DNA2: variants seen among roughly 807,000 people sequenced by gnomAD.
The protein encoded by DNA2 is DNA replication helicase/nuclease 2.
DNA2 carries 101 observed loss-of-function variants against 119.1 expected under a neutral mutation model. That is an observed-to-expected ratio of 0.85 (90% confidence interval 0.72 to 1.00). The LOEUF (loss-of-function observed/expected upper bound fraction) is 1.00. Ranked by LOEUF, DNA2 falls within the 50% of genes least tolerant of loss-of-function variation. The pLI, the probability that DNA2 is intolerant of heterozygous loss-of-function variation, is 0.00. For missense variants in DNA2, 1,121 were observed against 1,255.5 expected (o/e 0.89, Z 1.62); for synonymous variants, 366 against 424.4 (o/e 0.86, Z 1.69).
Position 68,425,088 on chromosome 10 carries a change from CTTTTTTTTTT to C in DNA2, c.2209-2208_2209-2199del, listed in dbSNP as rs60065153. 8.4e-5 allele frequency: 11 copies of C among 131,362 alleles called. No individual in the cohort carries two copies. In the East Asian group the frequency reaches 2.1e-3, roughly 25 times the overall value. The allele number at this position is 131,362 out of a possible 1,614,324, so 8.1% of individuals were successfully genotyped here. On this transcript the variant is annotated intron_variant, in intron 14 of 20. Coordinates refer to ENST00000358410, the MANE Select transcript of DNA2 (RefSeq NM_001080449.3). ...TTTTCAGAATGTCTCTGGAACATTT[CTTTTTTTTTT>C]TTTTTTTTTTTTTTGAGACAGAGTC...
intron 9 of DNA2, among the ~76,000 whole-genome samples, chr10:68,441,680 C>A (rs2051970506): frequency 6.6e-6 from 1 of 151,964 alleles, no homozygotes; most frequent in African/African-American, 2.4e-5. Context: ...AAGGCCGAGG[C>A]AGGAGAATAG....
chr10:68,444,358 C>T (rs943094085), intron 8 of DNA2, among the ~76,000 whole-genome samples: 1 of 151,432 alleles, frequency 6.6e-6, no homozygotes, highest in African/African-American at 2.4e-5. Flanking sequence ...CCACCGCACT[C>T]CAGCCCTAGT....
At chr10:68,439,329 G>T (rs2051935039) in intron 9 of DNA2, among the ~76,000 whole-genome samples, 1 of 151,992 alleles carries the variant, frequency 6.6e-6, no homozygotes, top group South Asian at 2.1e-4. Flanking sequence ...CGGAGGCGGA[G>T]GTTGTGGTGA....
intron 14 of DNA2, among the ~76,000 whole-genome samples, chr10:68,425,366 T>C (rs1414546625): frequency 1.3e-5 from 2 of 151,488 alleles, no homozygotes; most frequent in African/African-American, 4.8e-5. Flanking sequence ...AGTGATGGGA[T>C]TACAGGCATG....
intron 8 of DNA2, among the ~76,000 whole-genome samples, chr10:68,443,351 G>A (rs1473120615): frequency 6.6e-6 from 1 of 152,136 alleles, no homozygotes; most frequent in Non-Finnish European, 1.5e-5. Flanking sequence ...AACAACTCAG[G>A]TTGGGTAAAC....
In DNA2 at chr10:68,445,028, T is replaced by G; in HGVS notation, c.1113A>C (p.Lys371Asn). Residue 371 changes from lysine to asparagine, a missense_variant, in exon 8 of 21, where the codon AAA (lysine) becomes AAC (asparagine). Transcript: ENST00000358410. The stretch of plus-strand genomic sequence containing the variant: ...GCTGTGTCTTCTGTCTAGTAGCAGA[T>G]TTGCTAATACGGTGAAACAATGAGA... ...MAFSLFHRIS[K>N]SATRQKTQLA... is the part of the protein sequence containing the mutation. The G allele has an allele frequency of 6.2e-7, 1 of 1,613,338 alleles. No individual in the cohort carries two copies. Among genetic ancestry groups the G allele is most frequent in the Non-Finnish European group, 8.5e-7 (1 of 1,179,574 alleles).
chr10:68,435,766 T>C lies in DNA2; in HGVS notation c.1646+1245A>G, dbSNP rs189531111. On this transcript the variant is annotated intron_variant, in intron 10 of 20. Transcript: ENST00000358410. The stretch of plus-strand genomic sequence containing the variant: ...ACCACGCCCCGCCTATATATTTTTA[T>C]TTAAATCAGCCATTTTGTTGTAACT... Among the ~76,000 whole-genome samples, 5 of 152,298 alleles carry C rather than the reference T, an allele frequency of 3.3e-5. No individual in the cohort carries two copies. The East Asian group carries it at 5.8e-4, about 18-fold the overall frequency.
chr10:68,422,328 T>C lies in DNA2; in HGVS notation c.2594A>G (p.Asp865Gly). The C allele has an allele frequency of 6.2e-7, 1 of 1,613,938 alleles. No individual in the cohort carries two copies. The highest frequency in any genetic ancestry group is 8.5e-7 in the Non-Finnish European group (1 of 1,179,874). ...ATAAAATTCCAGTTCCAGCTTCACA[T>C]CTTTAAAGTGACGTAGGTTTATCAC... ...NAVINLRHFK[D>G]VKLELEFYAD... Residue 865 changes from aspartate (D) to glycine (G), a missense_variant, in exon 17 of 21, where the codon GAT becomes GGT. Coordinates refer to ENST00000358410, the MANE Select transcript of DNA2 (RefSeq NM_001080449.3).
chr10:68,425,088 C>CTTTTTTTTTTTTTTTTT (rs60065153), intron 14 of DNA2: 1 of 122,572 alleles, frequency 8.2e-6, no homozygotes, highest in Non-Finnish European at 1.4e-5. Flanking sequence ...TGGAACATTT[C>CTTTTTTTTTTTTTTTTT]TTTTTTTTTT....
intron 6 of DNA2, 100 bp downstream of exon 6, chr10:68,449,928 C>T: frequency 1.2e-6 from 1 of 844,924 alleles, no homozygotes; most frequent in Non-Finnish European, 1.8e-6. Context: ...GAGCCAAGAC[C>T]ACGCCACTGC....
rs907829265 is a variant in DNA2, at chr10:68,431,710, G to A, written c.1983+152C>T. On this transcript the variant is annotated intron_variant, in intron 13 of 20. Transcript: ENST00000358410. ...CATGATTACAACTGTTTGTGCTTCAGCTTTACTATTTCTCATCATTCTAAA... is the reference window on the plus strand; with the variant it reads ...CATGATTACAACTGTTTGTGCTTCAACTTTACTATTTCTCATCATTCTAAA... 3 of 567,932 alleles carry A rather than the reference G, an allele frequency of 5.3e-6. No homozygotes were observed. In the African/African-American group the frequency reaches 5.7e-5, roughly 11 times the overall value. The allele number at this position is 567,932 out of a possible 1,614,324, so 35.2% of individuals were successfully genotyped here.
intron 14 of DNA2, among the ~76,000 whole-genome samples, chr10:68,429,728 A>AG (rs2051793310): frequency 1.4e-5 from 2 of 147,798 alleles, no homozygotes; most frequent in African/African-American, 2.5e-5. Context: ...AAAAAAAAAA[A>AG]AAAGAAAAAA....
At chr10:68,446,704 A>C (rs887945600) in intron 6 of DNA2, among the ~76,000 whole-genome samples, 1 of 151,978 alleles carries the variant, frequency 6.6e-6, no homozygotes, top group Non-Finnish European at 1.5e-5. Context: ...TAGTGAGACC[A>C]AGTGATAGTC....
At chr10:68,429,658 G>C (rs1321616540) in intron 14 of DNA2, among the ~76,000 whole-genome samples, 6 of 119,844 alleles carry the variant, frequency 5.0e-5, no homozygotes, top group African/African-American at 1.9e-4. Context: ...CTTGCAGTGA[G>C]CCAGGATCGC....
chr10:68,438,463 G>T, intron 9 of DNA2, among the ~76,000 whole-genome samples: 1 of 149,000 alleles, frequency 6.7e-6, no homozygotes, highest in East Asian at 2.0e-4. Context: ...AGGTTGCGGT[G>T]AGCCAAGATC....
At chr10:68,442,790 T>C in intron 9 of DNA2, 127 bp downstream of exon 9, 1 of 775,914 alleles carries the variant, frequency 1.3e-6, no homozygotes, top group Non-Finnish European at 2.0e-6. Context: ...TCTGCAGTTG[T>C]CATGAATAAA....
At chr10:68,419,409 A>G (rs961322886) in intron 18 of DNA2, 196 bp from the exon 19 acceptor site, 8 of 546,526 alleles carry the variant, frequency 1.5e-5, no homozygotes, top group Non-Finnish European at 2.2e-5. Flanking sequence ...TTCCTTAGAC[A>G]TTGCTCCCTT....
chr10:68,421,736 C>T (rs891372771), intron 17 of DNA2, among the ~76,000 whole-genome samples: 7 of 151,540 alleles, frequency 4.6e-5, no homozygotes, highest in Admixed American at 2.6e-4. Flanking sequence ...AGCAAGACTC[C>T]GTCTCAAAAA....
chr10:68,448,970 T>C (rs12768653), intron 6 of DNA2, among the ~76,000 whole-genome samples: 97,282 of 140,250 alleles, frequency 0.69, 34,031 homozygotes, highest in Non-Finnish European at 0.76. Flanking sequence ...TGTGTGTGCG[T>C]GTGTGTGTGT....
Sources: gnomAD v4.1 joint callset for allele counts (sites outside exome capture counted in the v4.1 genomes callset) on GRCh38, gnomAD v4.1.1 for gene constraint, MANE v1.5 for transcripts, NCBI Gene and HGNC (gene_info 2026-07-23, HGNC 2026-07-21) for gene names.